GPD2: variants seen among roughly 807,000 people sequenced by gnomAD.
GPD2 encodes glycerol-3-phosphate dehydrogenase 2, also known as glycerol-3-phosphate dehydrogenase, mitochondrial.
In GPD2, 54 loss-of-function variants were observed where a neutral mutation model predicts 82.4. The observed-to-expected ratio is 0.66, with a 90% CI of 0.53 to 0.82. The LOEUF is 0.82. GPD2 is among the 40% of genes least tolerant of loss of function. GPD2 has a pLI of 0.00. For synonymous variants in GPD2, 288 were observed against 306.1 expected (o/e 0.94, Z 0.62); for missense variants, 748 against 896.2 (o/e 0.83, Z 2.11).
the GPD2 span, among the ~76,000 whole-genome samples, chr2:156,414,686 A>T: frequency 6.6e-6 from 1 of 152,206 alleles, no homozygotes; most frequent in South Asian, 2.1e-4. Context: ...AACTTTTTAC[A>T]TTCAAAGTGG....
chr2:156,426,412 A>C, the GPD2 span, among the ~76,000 whole-genome samples: 4 of 152,208 alleles, frequency 2.6e-5, no homozygotes, highest in East Asian at 1.9e-4. Flanking sequence ...ATCTCATGAG[A>C]GCTCACTCAC....
chr2:156,530,381 G>A (rs1157707250), intron 6 of GPD2, among the ~76,000 whole-genome samples: 2 of 148,266 alleles, frequency 1.3e-5, no homozygotes, highest in African/African-American at 2.5e-5. Context: ...TGCAAACAGG[G>A]ACAATTTGAC....
intron 2 of GPD2, among the ~76,000 whole-genome samples, chr2:156,492,596 G>A (rs72895876): frequency 0.026 from 3,918 of 152,084 alleles, 73 homozygotes; most frequent in Non-Finnish European, 0.038. Flanking sequence ...TGATCACTCC[G>A]GTTGTAATAT....
At chr2:156,567,141 G>A (rs571284841) in intron 9 of GPD2, among the ~76,000 whole-genome samples, 80 of 151,692 alleles carry the variant, frequency 5.3e-4, no homozygotes, top group African/African-American at 1.4e-3. Context: ...ATGATTTACC[G>A]GTATTTTCTC....
At chr2:156,403,114 CAAAAAAA>C in the GPD2 span, among the ~76,000 whole-genome samples, 2 of 67,866 alleles carry the variant, frequency 2.9e-5, no homozygotes, top group Admixed American at 2.3e-4. Flanking sequence ...GCCCCTGTCT[CAAAAAAA>C]AAAAAAAAAA....
chr2:156,418,487 T>C, the GPD2 span, among the ~76,000 whole-genome samples: 10 of 151,960 alleles, frequency 6.6e-5, no homozygotes, highest in Admixed American at 3.9e-4. Context: ...TGTTGCAAGT[T>C]TGAGAAATAA....
At chr2:156,480,267 G>A (rs1431613522) in intron 2 of GPD2, among the ~76,000 whole-genome samples, 1 of 152,122 alleles carries the variant, frequency 6.6e-6, no homozygotes, top group Non-Finnish European at 1.5e-5. Flanking sequence ...CAGCAGTAGA[G>A]AGCATTAAAG....
chr2:156,559,642 T>G (rs1326610691), intron 9 of GPD2, among the ~76,000 whole-genome samples: 3 of 152,208 alleles, frequency 2.0e-5, no homozygotes, highest in Non-Finnish European at 4.4e-5. Context: ...TAGTATTAAT[T>G]GCTTTTAATC....
chr2:156,418,022 C>T, the GPD2 span, among the ~76,000 whole-genome samples: 1 of 151,922 alleles, frequency 6.6e-6, no homozygotes, highest in Non-Finnish European at 1.5e-5. Flanking sequence ...CGAGACCAGC[C>T]TGGCCAATAT....
intron 1 of GPD2, among the ~76,000 whole-genome samples, chr2:156,442,014 A>G (rs1682191717): frequency 6.6e-6 from 1 of 152,198 alleles, no homozygotes; most frequent in Non-Finnish European, 1.5e-5. Flanking sequence ...GATACTGTCA[A>G]AGTCTGGGTA....
chr2:156,564,640 C>A (rs1687305337), intron 9 of GPD2, among the ~76,000 whole-genome samples: 1 of 152,058 alleles, frequency 6.6e-6, no homozygotes, highest in Non-Finnish European at 1.5e-5. Flanking sequence ...TCCATAAAAA[C>A]CATTACATCT....
chr2:156,569,597 A>G (rs1687534959), intron 11 of GPD2, 59 bp downstream of exon 11: 1 of 1,260,986 alleles, frequency 7.9e-7, no homozygotes, highest in African/African-American at 1.5e-5. Context: ...GCTGCCAGTG[A>G]CAGAACTGGC....
chr2:156,466,125 A>AT (rs2105184256), intron 1 of GPD2, among the ~76,000 whole-genome samples: 1 of 152,322 alleles, frequency 6.6e-6, no homozygotes, highest in South Asian at 2.1e-4. Context: ...GTTACCCTCA[A>AT]TTATGTATAT....
At chr2:156,488,616 A>AT (rs202232484) in intron 2 of GPD2, among the ~76,000 whole-genome samples, 159 of 146,028 alleles carry the variant, frequency 1.1e-3, no homozygotes, top group East Asian at 2.4e-3. Context: ...AATGTCTAGG[A>AT]TTTTTTTTTT....
chr2:156,556,109 AT>A (rs1009848741), intron 8 of GPD2, among the ~76,000 whole-genome samples: 6 of 152,232 alleles, frequency 3.9e-5, no homozygotes, highest in African/African-American at 1.2e-4. Context: ...TTACCCTCTC[AT>A]TTTTACACAT....
intron 6 of GPD2, among the ~76,000 whole-genome samples, chr2:156,538,899 A>C (rs767934455): frequency 3.3e-5 from 5 of 151,750 alleles, no homozygotes; most frequent in Non-Finnish European, 7.4e-5. Flanking sequence ...GGTCTAAACT[A>C]TAGCTTAAAA....
chr2:156,553,910 AG>A, intron 8 of GPD2, among the ~76,000 whole-genome samples: 1 of 152,202 alleles, frequency 6.6e-6, no homozygotes, highest in East Asian at 1.9e-4. Flanking sequence ...GGTCTGTCTC[AG>A]GCTAAGATGC....
intron 1 of GPD2, among the ~76,000 whole-genome samples, chr2:156,442,357 A>G (rs889916452): frequency 6.6e-6 from 1 of 152,230 alleles, no homozygotes; most frequent in African/African-American, 2.4e-5. Context: ...TATGTGGAAC[A>G]AAAGTTTATG....
At chr2:156,425,089 A>ATTT in the GPD2 span, among the ~76,000 whole-genome samples, 2,275 of 148,762 alleles carry the variant, frequency 0.015, 35 homozygotes, top group African/African-American at 0.044. Context: ...TATTCATTTT[A>ATTT]TTTTTTTTTT....
Sources: gnomAD v4.1 joint callset for allele counts (sites outside exome capture counted in the v4.1 genomes callset) on GRCh38, gnomAD v4.1.1 for gene constraint, MANE v1.5 for transcripts, NCBI Gene and HGNC (gene_info 2026-07-23, HGNC 2026-07-21) for gene names.